Variants in PSIP1 observed in about 807,000 individuals in gnomAD.
PSIP1 encodes the protein PC4 and SRSF1 interacting protein 1.
In PSIP1, 19 loss-of-function variants were observed where a neutral mutation model predicts 74.7. That is an observed-to-expected ratio of 0.25 (90% CI 0.18 to 0.37). The LOEUF (loss-of-function observed/expected upper bound fraction) is 0.37. Among genes scored for constraint, PSIP1 ranks in the 10% least tolerant of loss-of-function variants. PSIP1 has a pLI of 1.00. For missense variants in PSIP1, 601 were observed against 614.3 expected (o/e 0.98, Z 0.23); for synonymous variants, 222 against 195.3 (o/e 1.14, Z -1.14).
chr9:15,471,297 CT>C (rs2035815436), intron 10 of PSIP1: 1 of 1,571,666 alleles, frequency 6.4e-7, no homozygotes, highest in East Asian at 2.2e-5. Context: ...ATCTGAAATG[CT>C]TTACAGAGCA....
intron 7 of PSIP1, among the ~76,000 whole-genome samples, chr9:15,478,848 T>C (rs553108173): frequency 2.2e-4 from 33 of 152,204 alleles, no homozygotes; most frequent in Non-Finnish European, 4.1e-4. Context: ...ATTCAACTTT[T>C]AGAATAGGAA....
rs548405601 is a variant in PSIP1 at position 15,487,337 on chromosome 9, G to C, written c.289-406C>G. ...TAGTTGGGCACTGTGGCTCACACCT[G>C]TAATCCCAGCACTTTGGGAGGCTGA... On this transcript the variant is annotated intron_variant, in intron 4 of 15. Transcript: ENST00000380733. 1.5e-3 allele frequency among the ~76,000 whole-genome samples: 226 copies of C among 152,278 alleles called. 1 individual carries two copies. The highest frequency in any genetic ancestry group is 2.8e-3 in the Non-Finnish European group (190 of 68,022).
rs767381479 is a variant in PSIP1 at position 15,469,945 on chromosome 9, C to G, written c.1026G>C (p.Lys342Asn). 1 of 1,607,430 alleles carries G rather than the reference C, an allele frequency of 6.2e-7. No homozygotes were observed. ...GAAAGTGAAATAACTAACCTCGCTTCTTCTCCACTTTCTTAACTTCTGGCT... is the reference window on the plus strand; with the variant it reads ...GAAAGTGAAATAACTAACCTCGCTTGTTCTCCACTTTCTTAACTTCTGGCT... ...GKKPEVKKVEKKRETSMDSRL... is the reference protein window; with the variant it reads ...GKKPEVKKVENKRETSMDSRL... The change falls in exon 11 of 16, where the codon AAG (lysine) becomes AAC (asparagine). Residue 342 changes from lysine (K) to asparagine (N), a missense_variant. By Grantham distance (94) the Lys-to-Asn change is moderately conservative. Transcript: ENST00000380733.
At chr9:15,491,247 T>C (rs1414155935) in intron 3 of PSIP1, among the ~76,000 whole-genome samples, 2 of 152,170 alleles carry the variant, frequency 1.3e-5, no homozygotes, top group African/African-American at 4.8e-5. Context: ...GCATTATGCT[T>C]GGGAGCTAGT....
At chr9:15,471,725 C>T (rs1201086284) in intron 10 of PSIP1, 4 of 965,284 alleles carry the variant, frequency 4.1e-6, no homozygotes, top group African/African-American at 3.5e-5. Context: ...AAACGCTGTA[C>T]TTGTCAAGAA....
chr9:15,472,947 C>G (rs1028450046), intron 9 of PSIP1, among the ~76,000 whole-genome samples, 197 bp from the exon 10 acceptor site: 1 of 152,160 alleles, frequency 6.6e-6, no homozygotes, highest in East Asian at 1.9e-4. Flanking sequence ...AAATAATCAT[C>G]TTGTTTTATG....
At position 15,484,293 on chromosome 9, in the gene PSIP1, CAA is replaced by C. The variant is rs35611448; in HGVS notation, c.456+1711_456+1712del. ...CAACATAGCAAAACCCCATGTCTAT[CAA>C]AAAAAAAAATATATATATATAGGCC... On this transcript the variant is annotated intron_variant, in intron 6 of 15. Coordinates refer to ENST00000380733, the MANE Select transcript of PSIP1 (RefSeq NM_033222.5). Among the ~76,000 whole-genome samples the C allele has an allele frequency of 7.4e-5, 11 of 149,456 alleles. No homozygotes were observed. The East Asian group carries it at 9.9e-4, about 13-fold the overall frequency.
intron 3 of PSIP1, among the ~76,000 whole-genome samples, chr9:15,504,365 C>T (rs2037485729): frequency 6.6e-6 from 1 of 152,020 alleles, no homozygotes; most frequent in Non-Finnish European, 1.5e-5. Context: ...ATATGAAAAT[C>T]CTTTTAAATG....
At chr9:15,474,266 T>A (rs769132252) in intron 8 of PSIP1, 29 bp from the exon 9 acceptor site, 1 of 1,537,078 alleles carries the variant, frequency 6.5e-7, no homozygotes, top group Non-Finnish European at 8.8e-7. Context: ...CAATGTATAC[T>A]TGTCATTCAA....
At chr9:15,507,535 C>A (rs1417982042) in intron 2 of PSIP1, among the ~76,000 whole-genome samples, 2 of 151,960 alleles carry the variant, frequency 1.3e-5, no homozygotes, top group Non-Finnish European at 2.9e-5. Context: ...GTAATCTCAG[C>A]CACTCCAGAG....
chr9:15,482,028 T>C (rs770363170), intron 6 of PSIP1, among the ~76,000 whole-genome samples: 4 of 152,204 alleles, frequency 2.6e-5, no homozygotes, highest in Non-Finnish European at 4.4e-5. Context: ...ATTTCTTCCA[T>C]ATTTTACTTG....
At chr9:15,507,266 G>A (rs914198380) in intron 2 of PSIP1, among the ~76,000 whole-genome samples, 34 of 152,154 alleles carry the variant, frequency 2.2e-4, no homozygotes, top group Admixed American at 5.9e-4. Flanking sequence ...GTGCTGTCAC[G>A]TCTAATATAT....
intron 8 of PSIP1, among the ~76,000 whole-genome samples, chr9:15,474,540 T>A (rs2035993523): frequency 6.6e-6 from 1 of 152,140 alleles, no homozygotes; most frequent in Non-Finnish European, 1.5e-5. Context: ...TCAAATACGG[T>A]CGTTTTAGAA....
At chr9:15,465,734 A>G in intron 15 of PSIP1, 154 bp from the exon 16 acceptor site, 2 of 573,174 alleles carry the variant, frequency 3.5e-6, no homozygotes, top group Admixed American at 3.6e-5. Context: ...AACAGTCATT[A>G]TTATTTTTTT....
At chr9:15,507,572 A>G (rs1166824769) in intron 2 of PSIP1, among the ~76,000 whole-genome samples, 1 of 152,144 alleles carries the variant, frequency 6.6e-6, no homozygotes, top group African/African-American at 2.4e-5. Context: ...TGGGCAACAG[A>G]GGTTGCAGTG....
intron 2 of PSIP1, 143 bp from the exon 3 acceptor site, chr9:15,506,780 T>C: frequency 1.7e-6 from 1 of 601,962 alleles, no homozygotes; most frequent in East Asian, 3.0e-5. Context: ...TATCCCCAAA[T>C]CTGAAACCCA....
At chr9:15,490,502 G>C (rs2036777242) in intron 3 of PSIP1, among the ~76,000 whole-genome samples, 2 of 151,924 alleles carry the variant, frequency 1.3e-5, no homozygotes, top group African/African-American at 4.8e-5. Context: ...GGCCAACATG[G>C]TGAAACCCCA....
At chr9:15,478,307 TACCA>T (rs1377379045) in intron 8 of PSIP1, among the ~76,000 whole-genome samples, 166 bp downstream of exon 8, 42 of 152,056 alleles carry the variant, frequency 2.8e-4, no homozygotes, top group Non-Finnish European at 4.4e-4. Context: ...AGCCATTCCT[TACCA>T]ATTTTTACTT....
At chr9:15,493,348 A>AG (rs1473866004) in intron 3 of PSIP1, among the ~76,000 whole-genome samples, 1 of 152,166 alleles carries the variant, frequency 6.6e-6, no homozygotes, top group East Asian at 1.9e-4. Flanking sequence ...CTCAGCCTGG[A>AG]GTTCATTGGC....
Sources: allele counts gnomAD v4.1 joint callset (sites outside exome capture counted in the v4.1 genomes callset), GRCh38; gene constraint gnomAD v4.1.1; transcripts MANE v1.5; gene names NCBI Gene and HGNC (gene_info 2026-07-23, HGNC 2026-07-21).